The following SIMC1 variants were observed in gnomAD, a reference collection of about 807,000 sequenced individuals.
The protein encoded by SIMC1 is SUMO-interacting motif-containing protein 1.
A neutral mutation model predicts 82.3 loss-of-function variants in SIMC1; 55 were observed. That is an observed-to-expected ratio of 0.67 (90% CI 0.54 to 0.84). The LOEUF (loss-of-function observed/expected upper bound fraction) is 0.84. SIMC1 is among the 40% of genes least tolerant of loss of function. The pLI, the probability that SIMC1 is intolerant of heterozygous loss-of-function variation, is 0.00. For missense variants in SIMC1, 915 were observed against 1,107.2 expected (o/e 0.83, Z 2.46); for synonymous variants, 353 against 426.3 (o/e 0.83, Z 2.12).
chr5:176,292,628 TC>T (rs993373487), intron 2 of SIMC1, among the ~76,000 whole-genome samples: 1 of 152,040 alleles, frequency 6.6e-6, no homozygotes, highest in African/African-American at 2.4e-5. Flanking sequence ...CACTGCAACC[TC>T]CGCCTCCCAG....
intron 9 of SIMC1, 47 bp downstream of exon 9, chr5:176,337,193 A>G (rs1477299323): frequency 1.4e-6 from 2 of 1,454,428 alleles, no homozygotes; most frequent in Non-Finnish European, 1.9e-6. Context: ...GTCTCAATGG[A>G]CATTTGTATT....
At chr5:176,288,020 T>G (rs895260684) in intron 1 of SIMC1, among the ~76,000 whole-genome samples, 2 of 151,960 alleles carry the variant, frequency 1.3e-5, no homozygotes, top group Non-Finnish European at 2.9e-5. Flanking sequence ...GACAAGAAAC[T>G]CCAAACAATC....
intron 7 of SIMC1, among the ~76,000 whole-genome samples, chr5:176,331,626 A>G (rs1240268075): frequency 1.3e-5 from 2 of 151,272 alleles, no homozygotes; most frequent in African/African-American, 4.9e-5. Context: ...TATGTCTGCA[A>G]CTTACTCTCA....
At chr5:176,276,914 A>G (rs112338880) in intron 1 of SIMC1, among the ~76,000 whole-genome samples, 7 of 150,512 alleles carry the variant, frequency 4.7e-5, no homozygotes, top group East Asian at 3.9e-4. Context: ...ACATACGTGT[A>G]CATGTGTCTT....
At chr5:176,309,360 A>G (rs942491672) in intron 4 of SIMC1, among the ~76,000 whole-genome samples, 1 of 152,254 alleles carries the variant, frequency 6.6e-6, no homozygotes, top group Non-Finnish European at 1.5e-5. Flanking sequence ...CTCACATCTT[A>G]TATAAAATTT....
At chr5:176,318,818 G>C (rs1242061735) in intron 5 of SIMC1, among the ~76,000 whole-genome samples, 3 of 152,178 alleles carry the variant, frequency 2.0e-5, no homozygotes, top group Admixed American at 6.5e-5. Context: ...GTTAAGAAAT[G>C]GTAAGTAGTC....
chr5:176,243,344 G>A (rs1223817484), intron 1 of SIMC1, among the ~76,000 whole-genome samples: 4 of 152,178 alleles, frequency 2.6e-5, no homozygotes, highest in Non-Finnish European at 5.9e-5. Flanking sequence ...CTTACTGGAA[G>A]AATGGAAAGC....
intron 4 of SIMC1, among the ~76,000 whole-genome samples, chr5:176,309,606 A>G (rs1764569722): frequency 6.6e-6 from 1 of 152,202 alleles, no homozygotes; most frequent in Non-Finnish European, 1.5e-5. Context: ...TGCAAACCAT[A>G]TATCTGATCA....
chr5:176,316,436 G>T (rs1764909204), intron 5 of SIMC1, among the ~76,000 whole-genome samples: 1 of 151,222 alleles, frequency 6.6e-6, no homozygotes, highest in Non-Finnish European at 1.5e-5. Flanking sequence ...GGAGGCCAAG[G>T]TGGGCAGATC....
At chr5:176,287,607 T>C (rs1301259833) in intron 1 of SIMC1, among the ~76,000 whole-genome samples, 2 of 151,724 alleles carry the variant, frequency 1.3e-5, no homozygotes, top group East Asian at 3.9e-4. Flanking sequence ...TGTGCACATG[T>C]ACCCTAGAAC....
At chr5:176,301,896 A>AT (rs1764058747) in intron 4 of SIMC1, among the ~76,000 whole-genome samples, 1 of 152,228 alleles carries the variant, frequency 6.6e-6, no homozygotes, top group Admixed American at 6.5e-5. Context: ...TCAACAGCAC[A>AT]TTAAAAGGAT....
intron 4 of SIMC1, among the ~76,000 whole-genome samples, chr5:176,311,363 A>G (rs1282773388): frequency 6.6e-6 from 1 of 152,044 alleles, no homozygotes; most frequent in East Asian, 1.9e-4. Flanking sequence ...TCAGCCTCCT[A>G]AGTAGCTAGG....
At chr5:176,344,016 C>T (rs1766277273) in intron 9 of SIMC1, among the ~76,000 whole-genome samples, 1 of 152,066 alleles carries the variant, frequency 6.6e-6, no homozygotes, top group Admixed American at 6.6e-5. Context: ...AGGCTGGTCT[C>T]AAACTCCTGA....
At chr5:176,340,386 A>G (rs1481538814) in intron 9 of SIMC1, among the ~76,000 whole-genome samples, 1 of 152,084 alleles carries the variant, frequency 6.6e-6, no homozygotes, top group Non-Finnish European at 1.5e-5. Flanking sequence ...CCTGTCATGG[A>G]GTTTATGAGT....
At chr5:176,256,756 A>AT (rs1433111730) in intron 1 of SIMC1, among the ~76,000 whole-genome samples, 82 of 147,700 alleles carry the variant, frequency 5.6e-4, no homozygotes, top group Middle Eastern at 3.4e-3. Flanking sequence ...TATTTGTAAC[A>AT]TTTTTTTTTT....
Position 176,337,210 on chromosome 5 carries a change from A to G in SIMC1, c.2413+64A>G. ...CTCAATGGACATTTGTATTAGTCAT[A>G]ACTACACAGGATATTCTGATTTGTT... is the stretch of plus-strand genomic sequence containing the variant. On this transcript the variant is annotated intron_variant, in intron 9 of 9. Coordinates refer to ENST00000429602, the MANE Select transcript of SIMC1 (RefSeq NM_001308195.2). 6 of 1,286,872 alleles carry G rather than the reference A, an allele frequency of 4.7e-6. 1 individual carries two copies. The highest frequency in any genetic ancestry group is 6.8e-6 in the Non-Finnish European group (6 of 887,384). 79.7% of individuals were successfully genotyped at this position (1,286,872 alleles called of 1,614,324 possible).
intron 9 of SIMC1, among the ~76,000 whole-genome samples, chr5:176,344,250 C>T (rs904003929): frequency 5.9e-5 from 9 of 152,122 alleles, no homozygotes; most frequent in Non-Finnish European, 1.0e-4. Context: ...GCACAGTTCC[C>T]AGCTTTTACT....
At chr5:176,283,187 C>A (rs945797443) in intron 1 of SIMC1, among the ~76,000 whole-genome samples, 1 of 152,170 alleles carries the variant, frequency 6.6e-6, no homozygotes, top group Non-Finnish European at 1.5e-5. Context: ...CACAAAGATA[C>A]TCCTTGAGAA....
At chr5:176,247,858 T>C (rs1318295121) in intron 1 of SIMC1, among the ~76,000 whole-genome samples, 4 of 151,900 alleles carry the variant, frequency 2.6e-5, no homozygotes, top group Non-Finnish European at 4.4e-5. Context: ...ATTTATTAAG[T>C]AGGGAATTCT....
Sources: gnomAD v4.1 joint callset for allele counts (sites outside exome capture counted in the v4.1 genomes callset) on GRCh38, gnomAD v4.1.1 for gene constraint, MANE v1.5 for transcripts, NCBI Gene and HGNC (gene_info 2026-07-23, HGNC 2026-07-21) for gene names.